The following GIMAP1 variants were observed in gnomAD, a reference collection of about 807,000 sequenced individuals.
GIMAP1 encodes GTPase IMAP family member 1.
For missense variants in GIMAP1, 423 were observed against 411.9 expected, an observed-to-expected ratio of 1.03 and a Z score of -0.23; for synonymous variants, 230 against 187.7, an observed-to-expected ratio of 1.23 and a Z score of -1.84.
intron 2 of GIMAP1, chr7:150,719,341 CAGA>C (rs1797261238): frequency 1.4e-5 from 7 of 518,296 alleles, no homozygotes; most frequent in African/African-American, 3.8e-5. Context: ...CCGATCACCG[CAGA>C]AGAAGTGCAG....
At chr7:150,718,562 C>G (rs1313939763) in intron 1 of GIMAP1, among the ~76,000 whole-genome samples, 1 of 152,138 alleles carries the variant, frequency 6.6e-6, no homozygotes, top group African/African-American at 2.4e-5. Flanking sequence ...GCTGAATCCC[C>G]TGATATCTCT....
rs1046310690 is a variant in GIMAP1, at chr7:150,721,760, C to T, written c.*835C>T. 2 of 149,698 alleles carry T rather than the reference C, an allele frequency of 1.3e-5. No individual in the cohort carries two copies. The highest frequency in any genetic ancestry group is 2.5e-5 in the African/African-American group (1 of 40,180). The allele number at this position is 149,698 out of a possible 1,614,324, so 9.3% of individuals were successfully genotyped here. A position where few individuals can be genotyped will look rare whatever the true frequency, so the allele number is the denominator to read the frequency against. ...AGTGAGCCGAGATCGTGCCACTGCA[C>T]TCCAGGCTGGGTGACAAAGCAAGAA... On this transcript the variant is annotated 3_prime_UTR_variant, in exon 3 of 3. Transcript: ENST00000307194.
In GIMAP1 at chr7:150,721,707, A is replaced by T. The variant is rs537660905; in HGVS notation, c.*782A>T. 2.0e-5 allele frequency: 3 copies of T among 151,894 alleles called. No homozygotes were observed. The East Asian group carries it at 5.8e-4, about 29-fold the overall frequency. The allele number at this position is 151,894 out of a possible 1,614,324, so 9.4% of individuals were successfully genotyped here. On this transcript the variant is annotated 3_prime_UTR_variant, in exon 3 of 3. Transcript: ENST00000307194. ...TCGCCTGTAATCCCAGCCATTCAGG[A>T]GGCTGAGGCGGGAGAATCACTTGAT...
rs372451334 is a variant in GIMAP1, at chr7:150,720,575, C to A, written c.571C>A (p.Arg191=). 20 of 1,613,436 alleles carry A rather than the reference C, an allele frequency of 1.2e-5. No homozygotes were observed. Among genetic ancestry groups the A allele is most frequent in the Non-Finnish European group, 1.7e-5 (20 of 1,179,756 alleles). Reference sequence around the variant, plus strand: ...GGGCCGGGTCTGTGCCTTTGATAACCGGGCCACCGGCCGGGAGCAGGAAGC... The same window carrying A: ...GGGCCGGGTCTGTGCCTTTGATAACAGGGCCACCGGCCGGGAGCAGGAAGC... ...CGGRVCAFDN[R]ATGREQEAQV... The change falls in exon 3 of 3, where the codon CGG becomes AGG. Residue 191 remains arginine (R), a synonymous_variant. Transcript: ENST00000307194. This position sits in a 1 kb window ranked among gnomAD's most constrained non-coding sequence, Gnocchi z 4.5.
intron 1 of GIMAP1, among the ~76,000 whole-genome samples, chr7:150,717,423 C>A (rs1797232705): frequency 6.6e-6 from 1 of 152,162 alleles, no homozygotes; most frequent in South Asian, 2.1e-4. Flanking sequence ...TTCTGAGAAG[C>A]AGCACATTTG....
At chr7:150,719,397 T>C (rs1035411394) in intron 2 of GIMAP1, 2 of 335,316 alleles carry the variant, frequency 6.0e-6, no homozygotes, top group African/African-American at 4.2e-5. Context: ...ATTTGTGAGG[T>C]AGAATGTTTA....
intron 1 of GIMAP1, among the ~76,000 whole-genome samples, chr7:150,717,017 C>T (rs1563363998): frequency 6.6e-6 from 1 of 152,148 alleles, no homozygotes; most frequent in Non-Finnish European, 1.5e-5. Context: ...AGGCATTAAA[C>T]ATTCCTCAAG....
rs1173662846 is a variant in GIMAP1, at chr7:150,722,592, C to T, written c.*1667C>T. 2.6e-5 allele frequency: 4 copies of T among 152,266 alleles called. No homozygotes were observed. The highest frequency in any genetic ancestry group is 9.6e-5 in the African/African-American group (4 of 41,462). 9.4% of individuals were successfully genotyped at this position (152,266 alleles called of 1,614,324 possible). On this transcript the variant is annotated 3_prime_UTR_variant, in exon 3 of 3. Transcript: ENST00000307194. ...AGCAGGGAGGGCACAGCGTGGTCGT[C>T]CACGGTCACTTGCGCACGAGCCAGT...
At position 150,720,739 on chromosome 7, in the gene GIMAP1, G is replaced by A. The variant is rs1797288949; in HGVS notation, c.735G>A (p.Glu245=). 6.4e-7 allele frequency: 1 copy of A among 1,564,982 alleles called. No homozygotes were observed. Among genetic ancestry groups the A allele is most frequent in the East Asian group, 2.4e-5 (1 of 41,848 alleles). The change falls in exon 3 of 3, where the codon GAG becomes GAA. Residue 245 remains glutamate (E), a synonymous_variant. Transcript: ENST00000307194. This position sits in a 1 kb window ranked among gnomAD's most constrained non-coding sequence, Gnocchi z 4.5. ...GPEERLRRVA[E]RVAARVQRRP... ...AGGAGCGGCTCCGGCGGGTGGCGGA[G>A]CGCGTGGCAGCCAGGGTGCAGAGGA...
rs1797276734 is a variant in GIMAP1 at position 150,720,233 on chromosome 7, C to T, written c.229C>T (p.His77Tyr). 4 of 1,614,084 alleles carry T rather than the reference C, an allele frequency of 2.5e-6. No homozygotes were observed. Among genetic ancestry groups the T allele is most frequent in the Non-Finnish European group, 3.4e-6 (4 of 1,180,052 alleles). Residue 77 changes from histidine to tyrosine, a missense_variant, in exon 3 of 3, where the codon CAC becomes TAC. His to Tyr is a moderately conservative substitution (Grantham distance 83). Transcript: ENST00000307194. This position sits in a 1 kb window ranked among gnomAD's most constrained non-coding sequence, Gnocchi z 4.5. ...GGGCAGCCGCAGGTGGGACAAGTGC[C>T]ACGTGGAAGTCGTGGACACTCCGGA... is the stretch of plus-strand genomic sequence containing the variant. ...TTGSRRWDKC[H>Y]VEVVDTPDIF...
Position 150,723,926 on chromosome 7 carries a change from A to G in GIMAP1, c.*3001A>G, listed in dbSNP as rs999181809. 6.6e-6 allele frequency: 1 copy of G among 152,212 alleles called. No homozygotes were observed. Among genetic ancestry groups the G allele is most frequent in the Non-Finnish European group, 1.5e-5 (1 of 68,050 alleles). The allele number at this position is 152,212 out of a possible 1,614,324, so 9.4% of individuals were successfully genotyped here. ...CCTGGATCAGCTTTTGTTCTACACA[A>G]AAAGACTTGTATCTGGCTTATTTCT... On this transcript the variant is annotated 3_prime_UTR_variant, in exon 3 of 3. Transcript: ENST00000307194.
chr7:150,719,437 A>G, intron 2 of GIMAP1: 1 of 226,716 alleles, frequency 4.4e-6, no homozygotes. Context: ...TAAAACATAT[A>G]TTCTTTTTAG....
rs375125221 is a variant in GIMAP1 at position 150,720,466 on chromosome 7, G to A, written c.462G>A (p.Lys154=). 7.0e-5 allele frequency: 110 copies of A among 1,572,250 alleles called. No homozygotes were observed. The highest frequency in any genetic ancestry group is 9.2e-5 in the Non-Finnish European group (107 of 1,158,402). The change falls in exon 3 of 3, where the codon AAG becomes AAA. Residue 154 remains lysine (K), a synonymous_variant. Transcript: ENST00000307194. The surrounding 1 kb of genome is among the most constrained non-coding windows in gnomAD (Gnocchi z 4.5). Reference sequence around the variant, plus strand: ...GGATGGTCATCGTCTTCACCAGGAAGGAGGACCTGGCCGGGGGCTCCCTGC... The same window carrying A: ...GGATGGTCATCGTCTTCACCAGGAAAGAGGACCTGGCCGGGGGCTCCCTGC... ...LKWMVIVFTR[K]EDLAGGSLHD... is the part of the protein sequence containing the mutation.
Position 150,720,871 on chromosome 7 carries a change from G to C in GIMAP1, c.867G>C (p.Trp289Cys). ...TGCTGGGGGGCGCGCTCCTGTTCTG[G>C]GTGCTGCTCCACAGGCGGTGGTCGG... ...ALLLGGALLF[W>C]VLLHRRWSEA... The change falls in exon 3 of 3, where the codon TGG becomes TGC. Residue 289 changes from tryptophan (W) to cysteine (C), a missense_variant. Trp to Cys is a radical substitution (Grantham distance 215). Coordinates refer to ENST00000307194, the MANE Select transcript of GIMAP1 (RefSeq NM_130759.4). This position sits in a 1 kb window ranked among gnomAD's most constrained non-coding sequence, Gnocchi z 4.5. 1 of 1,603,160 alleles carries C rather than the reference G, an allele frequency of 6.2e-7. No homozygotes were observed. Among genetic ancestry groups the C allele is most frequent in the Non-Finnish European group, 8.5e-7 (1 of 1,178,048 alleles).
Position 150,720,381 on chromosome 7 carries a change from C to A in GIMAP1, c.377C>A (p.Ala126Asp). 1 of 1,600,294 alleles carries A rather than the reference C, an allele frequency of 6.2e-7. No homozygotes were observed. Among genetic ancestry groups the A allele is most frequent in the Non-Finnish European group, 8.5e-7 (1 of 1,171,198 alleles). The change falls in exon 3 of 3, where the codon GCC (alanine) becomes GAC (aspartate). Residue 126 changes from alanine (A) to aspartate (D), a missense_variant. By Grantham distance (126) the Ala-to-Asp change is moderately radical (BLOSUM62 -2). Transcript: ENST00000307194. This position sits in a 1 kb window ranked among gnomAD's most constrained non-coding sequence, Gnocchi z 4.5. ...GTGACCCAGTTGGGTCGGTTCACCG[C>A]CCAGGACCAGCAGGCGGTGAGGCAG... ...LLVTQLGRFT[A>D]QDQQAVRQVR... is the part of the protein sequence containing the mutation.
chr7:150,719,950 T>G, intron 2 of GIMAP1, 98 bp from the exon 3 acceptor site: 2 of 1,457,454 alleles, frequency 1.4e-6, no homozygotes, highest in Non-Finnish European at 1.8e-6. Flanking sequence ...GGCGTTCAAA[T>G]CTCTATTCTT....
rs373631472 is a variant in GIMAP1 at position 150,719,033 on chromosome 7, C to A, written c.-6-9C>A. The A allele has an allele frequency of 6.2e-7, 1 of 1,613,978 alleles. No homozygotes were observed. Among genetic ancestry groups the A allele is most frequent in the Non-Finnish European group, 8.5e-7 (1 of 1,180,020 alleles). ...ATGAATTAACAAATTGTGTTTGGGACTCTTCCAGGTAAGCATGGGAGGAAG... is the reference window on the plus strand; with the variant it reads ...ATGAATTAACAAATTGTGTTTGGGAATCTTCCAGGTAAGCATGGGAGGAAG... On this transcript the variant is annotated splice_polypyrimidine_tract_variant and intron_variant, in intron 1 of 2. Transcript: ENST00000307194.
At position 150,720,021 on chromosome 7, in the gene GIMAP1, G is replaced by A. The variant is rs1797271670; in HGVS notation, c.44-27G>A. The A allele has an allele frequency of 1.3e-6, 2 of 1,523,478 alleles. No homozygotes were observed. Among genetic ancestry groups the A allele is most frequent in the Non-Finnish European group, 1.8e-6 (2 of 1,134,514 alleles). 94.4% of individuals were successfully genotyped at this position (1,523,478 alleles called of 1,614,324 possible). On this transcript the variant is annotated intron_variant, in intron 2 of 2. Transcript: ENST00000307194. The surrounding 1 kb of genome is among the most constrained non-coding windows in gnomAD (Gnocchi z 4.5). ...CCAAGGGGAAGTTGGTTAAACTTAA[G>A]TAAGATTATAACACTTGGTCTCACA...
rs1013395341 is a variant in GIMAP1 at position 150,721,314 on chromosome 7, G to A, written c.*389G>A. The A allele has an allele frequency of 6.0e-6, 1 of 165,726 alleles. No individual in the cohort carries two copies. The highest frequency in any genetic ancestry group is 1.3e-5 in the Non-Finnish European group (1 of 77,912). The allele number at this position is 165,726 out of a possible 1,614,324, so 10.3% of individuals were successfully genotyped here. ...ATAATTTTCTAGTTCTTATACATGGGTAGATAGGTTCCTTTGTGATCCTTG... is the reference window on the plus strand; with the variant it reads ...ATAATTTTCTAGTTCTTATACATGGATAGATAGGTTCCTTTGTGATCCTTG... On this transcript the variant is annotated 3_prime_UTR_variant, in exon 3 of 3. Coordinates refer to ENST00000307194, the MANE Select transcript of GIMAP1 (RefSeq NM_130759.4).
Sources: allele counts gnomAD v4.1 joint callset (sites outside exome capture counted in the v4.1 genomes callset), GRCh38; gene constraint gnomAD v4.1.1; non-coding constraint Gnocchi (gnomAD v3.1); transcripts MANE v1.5; gene names NCBI Gene and HGNC (gene_info 2026-07-23, HGNC 2026-07-21).